The following MALRD1 variants were observed in gnomAD, a reference collection of about 807,000 sequenced individuals.
MALRD1 encodes MAM and LDL receptor class A domain containing 1.
MALRD1 carries 247 observed loss-of-function variants against 242.1 expected under a neutral mutation model. The observed-to-expected ratio is 1.02, with a 90% CI of 0.92 to 1.13. MALRD1 has a LOEUF of 1.13. MALRD1 is among the 50% of genes most tolerant of loss of function. MALRD1 has a pLI of 0.00. For synonymous variants in MALRD1, 995 were observed against 866.6 expected, an observed-to-expected ratio of 1.15 and a Z score of -2.60; for missense variants, 2,989 against 2,533.1, an observed-to-expected ratio of 1.18 and a Z score of -3.86.
At chr10:19,079,675 T>C (rs79340054) in intron 2 of MALRD1, among the ~76,000 whole-genome samples, 6,592 of 152,028 alleles carry the variant, frequency 0.043, 199 homozygotes, top group South Asian at 0.093. Flanking sequence ...CGTGCAGAGA[T>C]GTTTATAGTT....
At chr10:19,619,051 C>A (rs903947451) in intron 36 of MALRD1, among the ~76,000 whole-genome samples, 1 of 152,070 alleles carries the variant, frequency 6.6e-6, no homozygotes, top group Non-Finnish European at 1.5e-5. Context: ...ACCACTGACA[C>A]GACGCCAGAT....
At chr10:19,617,878 A>G (rs367600384) in intron 36 of MALRD1, among the ~76,000 whole-genome samples, 1 of 152,066 alleles carries the variant, frequency 6.6e-6, no homozygotes, top group Non-Finnish European at 1.5e-5. Flanking sequence ...TTAAATATTT[A>G]TTAAGTAAGC....
At chr10:19,628,551 A>T (rs1032098268) in intron 36 of MALRD1, among the ~76,000 whole-genome samples, 1 of 152,114 alleles carries the variant, frequency 6.6e-6, no homozygotes, top group East Asian at 1.9e-4. Context: ...GAGGGAGAAA[A>T]TGTGTAACTG....
chr10:19,450,618 A>G lies in MALRD1; in HGVS notation c.5029+128A>G, dbSNP rs187858605. The G allele has an allele frequency of 2.8e-4, 229 of 811,634 alleles. No homozygotes were observed. In the East Asian group the frequency reaches 5.0e-3, roughly 18 times the overall value. The allele number at this position is 811,634 out of a possible 1,614,324, so 50.3% of individuals were successfully genotyped here. A position where few individuals can be genotyped will look rare whatever the true frequency, so the allele number is the denominator to read the frequency against. Reference sequence around the variant, plus strand: ...CACATACACAAATCAATGGAAAGGTATAATTTTATAATTGTGAACTTAAAA... The same window carrying G: ...CACATACACAAATCAATGGAAAGGTGTAATTTTATAATTGTGAACTTAAAA... On this transcript the variant is annotated intron_variant, in intron 29 of 39. Transcript: ENST00000454679.
At chr10:19,480,293 T>A (rs575540945) in intron 29 of MALRD1, among the ~76,000 whole-genome samples, 10 of 152,192 alleles carry the variant, frequency 6.6e-5, no homozygotes, top group Non-Finnish European at 1.5e-4. Context: ...AGTGTTTAGA[T>A]CTCAGCAAAA....
At chr10:19,646,415 C>T (rs1439539198) in intron 36 of MALRD1, among the ~76,000 whole-genome samples, 1 of 152,106 alleles carries the variant, frequency 6.6e-6, no homozygotes, top group South Asian at 2.1e-4. Context: ...ACCAGCCTGG[C>T]CAACATGGCA....
intron 36 of MALRD1, among the ~76,000 whole-genome samples, chr10:19,626,076 C>A (rs964586974): frequency 6.6e-6 from 1 of 152,002 alleles, no homozygotes; most frequent in Non-Finnish European, 1.5e-5. Flanking sequence ...GCTTAAGAGA[C>A]CATGCAGGGT....
chr10:19,319,213 A>G (rs912872556), intron 21 of MALRD1, among the ~76,000 whole-genome samples: 1 of 152,030 alleles, frequency 6.6e-6, no homozygotes, highest in Non-Finnish European at 1.5e-5. Flanking sequence ...ACTGTTGAAA[A>G]CAAACTTTCT....
chr10:19,188,963 C>T (rs941631746), intron 14 of MALRD1, among the ~76,000 whole-genome samples: 3 of 151,700 alleles, frequency 2.0e-5, no homozygotes, highest in Non-Finnish European at 4.4e-5. Context: ...TAAAGCAAAT[C>T]AAAGAAATCA....
intron 10 of MALRD1, among the ~76,000 whole-genome samples, chr10:19,143,718 C>G (rs1005645540): frequency 1.3e-5 from 2 of 152,110 alleles, no homozygotes; most frequent in East Asian, 1.9e-4. Flanking sequence ...AATCCACAGC[C>G]AAGAATTTGG....
At chr10:19,703,563 A>T (rs1170033883) in intron 38 of MALRD1, among the ~76,000 whole-genome samples, 1 of 152,218 alleles carries the variant, frequency 6.6e-6, no homozygotes, top group Non-Finnish European at 1.5e-5. Flanking sequence ...AAGAAGAGAG[A>T]TGTAATCATC....
At chr10:19,603,518 AT>A (rs1425070836) in intron 34 of MALRD1, among the ~76,000 whole-genome samples, 2 of 151,930 alleles carry the variant, frequency 1.3e-5, no homozygotes, top group African/African-American at 4.8e-5. Flanking sequence ...GTGTGGTATT[AT>A]TTCTGAGGGC....
At chr10:19,383,058 CTA>C (rs1468790381) in intron 26 of MALRD1, among the ~76,000 whole-genome samples, 2 of 152,142 alleles carry the variant, frequency 1.3e-5, no homozygotes, top group East Asian at 1.9e-4. Context: ...ATGAACAACT[CTA>C]TGTTCACAGT....
chr10:19,084,703 G>A (rs1194056444), intron 2 of MALRD1, among the ~76,000 whole-genome samples: 1 of 151,872 alleles, frequency 6.6e-6, no homozygotes, highest in Non-Finnish European at 1.5e-5. Flanking sequence ...CTCAATCCTT[G>A]ATTCATGGTT....
In MALRD1 at chr10:19,133,895, A is replaced by G. The variant is rs1163721906; in HGVS notation, c.1150A>G (p.Ser384Gly). Reference sequence around the variant, plus strand: ...TTGGACATACAACATATCAACTCACAGCCAATGGGTGAAAGCAGATGTGTT... The same window carrying G: ...TTGGACATACAACATATCAACTCACGGCCAATGGGTGAAAGCAGATGTGTT... Reference protein sequence around the residue: ...IFWTYNISTHSQWVKADVLIP... With the variant: ...IFWTYNISTHGQWVKADVLIP... The change falls in exon 9 of 40, where the codon AGC (serine) becomes GGC (glycine). Residue 384 changes from serine (S) to glycine (G), a missense_variant. By Grantham distance (56) the Ser-to-Gly change is moderately conservative. Transcript: ENST00000454679. The G allele has an allele frequency of 1.6e-6, 2 of 1,231,060 alleles. No homozygotes were observed. The highest frequency in any genetic ancestry group is 2.0e-6 in the Non-Finnish European group (2 of 987,550). 76.3% of individuals were successfully genotyped at this position (1,231,060 alleles called of 1,614,324 possible). A position where few individuals can be genotyped will look rare whatever the true frequency, so the allele number is the denominator to read the frequency against.
At chr10:19,350,388 A>G (rs1844323624) in intron 25 of MALRD1, among the ~76,000 whole-genome samples, 1 of 147,978 alleles carries the variant, frequency 6.8e-6, no homozygotes, top group East Asian at 2.0e-4. Context: ...CTCCTGCCTC[A>G]GCCTCCTGAG....
rs886329122 is a variant in MALRD1 at position 19,133,922 on chromosome 10, A to C, written c.1177A>C (p.Ile393Leu). ...CCAATGGGTGAAAGCAGATGTGTTA[A>C]TACCAGAAGATCTGAAGACATTTAA... ...HSQWVKADVL[I>L]PEDLKTFKII... Residue 393 changes from isoleucine (I) to leucine (L), a missense_variant, in exon 9 of 40, where the codon ATA becomes CTA. Physicochemically the swap from Ile to Leu is conservative, Grantham distance 5. Coordinates refer to ENST00000454679, the MANE Select transcript of MALRD1 (RefSeq NM_001142308.3). 5 of 1,229,884 alleles carry C rather than the reference A, an allele frequency of 4.1e-6. No homozygotes were observed. The highest frequency in any genetic ancestry group is 5.1e-6 in the Non-Finnish European group (5 of 986,472). 76.2% of individuals were successfully genotyped at this position (1,229,884 alleles called of 1,614,324 possible). A position where few individuals can be genotyped will look rare whatever the true frequency, so the allele number is the denominator to read the frequency against.
chr10:19,373,380 G>A (rs537696822), intron 26 of MALRD1, among the ~76,000 whole-genome samples: 11 of 151,900 alleles, frequency 7.2e-5, no homozygotes, highest in Middle Eastern at 6.8e-3. Context: ...GCCAGATGTG[G>A]TGGTGGCGGG....
In MALRD1 at chr10:19,372,038, A is replaced by G. The variant is rs1353343008; in HGVS notation, c.4442-15490A>G. Among the ~76,000 whole-genome samples the G allele has an allele frequency of 2.0e-5, 3 of 152,212 alleles. 1 individual carries two copies. The highest frequency in any genetic ancestry group is 3.9e-4 in the East Asian group (2 of 5,194). On this transcript the variant is annotated intron_variant, in intron 26 of 39. Coordinates refer to ENST00000454679, the MANE Select transcript of MALRD1 (RefSeq NM_001142308.3). The stretch of plus-strand genomic sequence containing the variant: ...AGAACACATACAAGTGAACAATTAC[A>G]TCATTGAATTGATTATATTTAGAGG...
Sources: allele counts gnomAD v4.1 joint callset (sites outside exome capture counted in the v4.1 genomes callset), GRCh38; gene constraint gnomAD v4.1.1; transcripts MANE v1.5; gene names NCBI Gene and HGNC (gene_info 2026-07-23, HGNC 2026-07-21).